FER1L6: variants seen among roughly 807,000 people sequenced by gnomAD.
FER1L6 encodes the protein fer-1-like protein 6.
In FER1L6, 177 loss-of-function variants were observed where a neutral mutation model predicts 219.2. That is an observed-to-expected ratio of 0.81 (90% confidence interval 0.71 to 0.91). The LOEUF (loss-of-function observed/expected upper bound fraction) is 0.91. Among genes scored for constraint, FER1L6 ranks in the 40% least tolerant of loss-of-function variants. The probability of loss-of-function intolerance (pLI) is 0.00; values close to 1 mark genes in which losing one functional copy is unlikely to be tolerated. For missense variants in FER1L6, 2,153 were observed against 2,259.9 expected (o/e 0.95, Z 0.96); for synonymous variants, 768 against 824.3 (o/e 0.93, Z 1.17).
chr8:124,014,767 G>A (rs1008751056), intron 15 of FER1L6, among the ~76,000 whole-genome samples: 1 of 152,036 alleles, frequency 6.6e-6, no homozygotes, highest in African/African-American at 2.4e-5. Flanking sequence ...TAAAAAATAG[G>A]GTACATAGTT....
intron 33 of FER1L6, among the ~76,000 whole-genome samples, chr8:124,084,174 T>C (rs763650729): frequency 1.3e-5 from 2 of 152,016 alleles, no homozygotes; most frequent in Middle Eastern, 3.2e-3. Context: ...TCTTTAGTTT[T>C]TTTTTTTTTA....
chr8:124,117,058 A>G (rs1476141648), intron 39 of FER1L6, among the ~76,000 whole-genome samples: 1 of 152,224 alleles, frequency 6.6e-6, no homozygotes, highest in Non-Finnish European at 1.5e-5. Context: ...GCAGGCTCTT[A>G]AAAACCTTCT....
rs769593174 is a variant in FER1L6 at position 124,013,480 on chromosome 8, C to T, written c.1871C>T (p.Ala624Val). The T allele has an allele frequency of 3.1e-6, 5 of 1,609,998 alleles. No individual in the cohort carries two copies. The highest frequency in any genetic ancestry group is 1.3e-5 in the African/African-American group (1 of 74,706). Residue 624 changes from alanine to valine, a missense_variant, in exon 15 of 41, where the codon GCA becomes GTA. Coordinates refer to ENST00000522917, the MANE Select transcript of FER1L6 (RefSeq NM_001039112.2). Reference sequence around the variant, plus strand: ...GAATTGATCAAGATTTCACAGGAGGCACCTGAAGAGAAAATGAAAACAGTG... The same window carrying T: ...GAATTGATCAAGATTTCACAGGAGGTACCTGAAGAGAAAATGAAAACAGTG... ...VRELIKISQE[A>V]PEEKMKTVLS...
At chr8:123,999,025 C>A (rs1045343389) in intron 12 of FER1L6, among the ~76,000 whole-genome samples, 4 of 152,164 alleles carry the variant, frequency 2.6e-5, no homozygotes, top group Non-Finnish European at 5.9e-5. Context: ...AAATCAGGGG[C>A]CCTGAGAACC....
chr8:123,907,123 A>T (rs1003823129), intron 1 of FER1L6, among the ~76,000 whole-genome samples: 7 of 152,198 alleles, frequency 4.6e-5, no homozygotes, highest in African/African-American at 1.4e-4. Flanking sequence ...TATTTACAAA[A>T]GTCCCTAGAT....
intron 1 of FER1L6, among the ~76,000 whole-genome samples, chr8:123,950,746 T>C (rs1814724473): frequency 6.6e-6 from 1 of 152,194 alleles, no homozygotes; most frequent in Admixed American, 6.5e-5. Flanking sequence ...CCACCTACTA[T>C]CACAATGAGA....
rs558420080 is a variant in FER1L6 at position 123,999,088 on chromosome 8, A to T, written c.1520-4079A>T. Among the ~76,000 whole-genome samples the T allele has an allele frequency of 1.2e-3, 181 of 152,276 alleles. 1 individual carries two copies. Among genetic ancestry groups the T allele is most frequent in the African/African-American group, 4.0e-3 (168 of 41,568 alleles). On this transcript the variant is annotated intron_variant, in intron 12 of 40. Transcript: ENST00000522917. ...AAGCTGGAATCTCAGCTGTGAGACA[A>T]AGTCCCCTTTATTCTTTCCTCTCCT...
At chr8:124,117,696 A>G (rs1823305111) in intron 39 of FER1L6, among the ~76,000 whole-genome samples, 1 of 152,034 alleles carries the variant, frequency 6.6e-6, no homozygotes, top group South Asian at 2.1e-4. Context: ...CTATCCCTCA[A>G]CCTTACCCCA....
chr8:123,948,986 T>C (rs566283742), intron 1 of FER1L6, among the ~76,000 whole-genome samples: 2 of 152,262 alleles, frequency 1.3e-5, no homozygotes, highest in South Asian at 4.2e-4. Flanking sequence ...CAGTGAAGTG[T>C]GCACTAGCAC....
rs189963566 is a variant in FER1L6, at chr8:123,902,898, C to T, written c.-8+50713C>T. On this transcript the variant is annotated intron_variant, in intron 1 of 40. Transcript: ENST00000522917. ...AACTCCTATTTTTGTTTTATAGGTC[C>T]GGTGTGATTTATGCTTTAAAGAGGT... Among the ~76,000 whole-genome samples, 493 of 151,906 alleles carry T rather than the reference C, an allele frequency of 3.2e-3. 8 individuals carry two copies. Among genetic ancestry groups the T allele is most frequent in the Non-Finnish European group, 2.3e-3 (156 of 67,964 alleles).
chr8:124,031,535 G>A (rs751193385), intron 18 of FER1L6, among the ~76,000 whole-genome samples: 2 of 152,160 alleles, frequency 1.3e-5, no homozygotes, highest in Non-Finnish European at 2.9e-5. Context: ...AGATAGGTCA[G>A]ATAATTTCTT....
chr8:123,984,197 C>T (rs1434321022), intron 11 of FER1L6: 2 of 152,184 alleles, frequency 1.3e-5, no homozygotes, highest in South Asian at 2.1e-4. Context: ...ATTTCTGCCC[C>T]TTCTCCTCCC....
chr8:123,893,121 A>G (rs763779215), intron 1 of FER1L6, among the ~76,000 whole-genome samples: 5 of 152,184 alleles, frequency 3.3e-5, no homozygotes, highest in Admixed American at 6.6e-5. Context: ...GGCTGTCCTA[A>G]GGCTTTTGTT....
intron 3 of FER1L6, among the ~76,000 whole-genome samples, chr8:123,965,207 G>A (rs989094270): frequency 1.3e-5 from 2 of 152,174 alleles, no homozygotes; most frequent in East Asian, 3.8e-4. Flanking sequence ...AGATCAGTCT[G>A]ACTCCAATGC....
chr8:124,075,149 T>C (rs1001420477), intron 31 of FER1L6, among the ~76,000 whole-genome samples: 1 of 152,234 alleles, frequency 6.6e-6, no homozygotes, highest in Non-Finnish European at 1.5e-5. Context: ...ATTAGCTTAC[T>C]ATAACTTTTT....
chr8:123,911,736 A>G (rs1055423574), intron 1 of FER1L6, among the ~76,000 whole-genome samples: 1 of 152,164 alleles, frequency 6.6e-6, no homozygotes, highest in African/African-American at 2.4e-5. Flanking sequence ...GTCCGAGAGC[A>G]TGCAGCTAGT....
intron 1 of FER1L6, among the ~76,000 whole-genome samples, chr8:123,927,884 G>A (rs1342151725): frequency 6.6e-6 from 1 of 152,168 alleles, no homozygotes; most frequent in African/African-American, 2.4e-5. Context: ...ATATATCACA[G>A]TGTTTATTGT....
At chr8:123,903,507 C>T (rs1812895444) in intron 1 of FER1L6, among the ~76,000 whole-genome samples, 1 of 152,144 alleles carries the variant, frequency 6.6e-6, no homozygotes, top group African/African-American at 2.4e-5. Context: ...TTAGAAATAA[C>T]TCCAAGAACA....
chr8:123,919,016 C>T (rs953622067), intron 1 of FER1L6, among the ~76,000 whole-genome samples: 7 of 152,114 alleles, frequency 4.6e-5, no homozygotes, highest in Admixed American at 4.6e-4. Context: ...TGGGATCCTG[C>T]CCCAGGGGAG....
Sources: allele counts gnomAD v4.1 joint callset (sites outside exome capture counted in the v4.1 genomes callset), GRCh38; gene constraint gnomAD v4.1.1; transcripts MANE v1.5; gene names NCBI Gene and HGNC (gene_info 2026-07-23, HGNC 2026-07-21).